The following CPNE4 variants were observed in gnomAD, a reference collection of about 807,000 sequenced individuals.
The protein encoded by CPNE4 is copine-4.
Under a neutral mutation model 67.9 loss-of-function variants are expected in CPNE4, and 25 were observed. The ratio of observed to expected loss-of-function variants is 0.37; its 90% CI spans 0.27 to 0.51. The LOEUF is 0.51. Among genes scored for constraint, CPNE4 ranks in the 20% least tolerant of loss-of-function variants. The probability of loss-of-function intolerance (pLI) is 0.93; values close to 1 mark genes in which losing one functional copy is unlikely to be tolerated. For missense variants in CPNE4, 464 were observed against 690.8 expected (o/e 0.67, Z 3.68); for synonymous variants, 242 against 244.9 (o/e 0.99, Z 0.11).
At chr3:131,621,653 G>A (rs1034739696) in intron 7 of CPNE4, among the ~76,000 whole-genome samples, 2 of 151,998 alleles carry the variant, frequency 1.3e-5, no homozygotes, top group Non-Finnish European at 2.9e-5. Flanking sequence ...CATGAAACTT[G>A]TAGTCCATAA....
intron 7 of CPNE4, among the ~76,000 whole-genome samples, chr3:131,630,081 G>GA (rs1321568686): frequency 3.9e-5 from 6 of 152,164 alleles, no homozygotes; most frequent in African/African-American, 4.8e-5. Context: ...AAAAATGCCA[G>GA]AAAAAAGCAG....
At chr3:131,873,363 G>A (rs1030636559) in intron 2 of CPNE4, among the ~76,000 whole-genome samples, 7 of 152,170 alleles carry the variant, frequency 4.6e-5, no homozygotes, top group African/African-American at 1.4e-4. Context: ...TGGTGGGGAT[G>A]GAAATTATTA....
At chr3:131,713,771 T>C (rs1399149230) in intron 3 of CPNE4, among the ~76,000 whole-genome samples, 1 of 152,174 alleles carries the variant, frequency 6.6e-6, no homozygotes, top group Non-Finnish European at 1.5e-5. Flanking sequence ...TTATGATTCC[T>C]TGCCTGTTTA....
intron 9 of CPNE4, among the ~76,000 whole-genome samples, chr3:131,580,479 TAC>T (rs1263306221): frequency 2.4e-4 from 36 of 150,480 alleles, no homozygotes; most frequent in Non-Finnish European, 1.9e-4. Context: ...TATGCCTGTA[TAC>T]ACACACACAC....
intron 1 of CPNE4, among the ~76,000 whole-genome samples, chr3:131,943,844 T>C (rs540047061): frequency 6.6e-6 from 1 of 152,306 alleles, no homozygotes; most frequent in South Asian, 2.1e-4. Context: ...TGCATTACGC[T>C]GTAGCAATTC....
intron 5 of CPNE4, among the ~76,000 whole-genome samples, chr3:131,691,502 T>C (rs1583028849): frequency 6.6e-6 from 1 of 151,990 alleles, no homozygotes; most frequent in African/African-American, 2.4e-5. Flanking sequence ...TGGGTACACA[T>C]GGACATAAAG....
chr3:131,656,477 T>C (rs993482505), intron 7 of CPNE4, among the ~76,000 whole-genome samples: 32 of 152,190 alleles, frequency 2.1e-4, no homozygotes, highest in African/African-American at 7.2e-4. Context: ...TAGCAAAAAA[T>C]CTGGTACAAT....
At chr3:131,833,659 A>T (rs1274646791) in intron 2 of CPNE4, among the ~76,000 whole-genome samples, 4 of 152,238 alleles carry the variant, frequency 2.6e-5, no homozygotes, top group Admixed American at 6.5e-5. Flanking sequence ...TGACTGTGCC[A>T]CTGCACTCAA....
chr3:131,998,294 G>T (rs888863627), intron 1 of CPNE4, among the ~76,000 whole-genome samples: 2 of 152,098 alleles, frequency 1.3e-5, no homozygotes, highest in African/African-American at 4.8e-5. Flanking sequence ...GATCCCACGT[G>T]TGTACTAACT....
intron 2 of CPNE4, among the ~76,000 whole-genome samples, chr3:131,754,596 T>C (rs143081770): frequency 2.8e-4 from 43 of 152,304 alleles, no homozygotes; most frequent in African/African-American, 9.6e-4. Context: ...TCTTTGTATG[T>C]ATGTGGATAA....
intron 7 of CPNE4, among the ~76,000 whole-genome samples, chr3:131,617,202 A>G (rs1940201391): frequency 6.6e-6 from 1 of 152,194 alleles, no homozygotes; most frequent in Non-Finnish European, 1.5e-5. Context: ...AATTTTAAGG[A>G]TCAGAAAACT....
At chr3:131,862,288 T>C (rs62280911) in intron 2 of CPNE4, among the ~76,000 whole-genome samples, 30,721 of 152,098 alleles carry the variant, frequency 0.2, 3,854 homozygotes, top group Non-Finnish European at 0.27. Flanking sequence ...AAATTCTCAG[T>C]CATCTTGACT....
chr3:131,773,872 T>A (rs1028631150), intron 2 of CPNE4, among the ~76,000 whole-genome samples: 16 of 152,152 alleles, frequency 1.1e-4, no homozygotes, highest in African/African-American at 3.6e-4. Context: ...TTAAGAAAAC[T>A]CTTTACAAAT....
At chr3:131,789,764 T>C (rs962064968) in intron 2 of CPNE4, among the ~76,000 whole-genome samples, 3 of 152,080 alleles carry the variant, frequency 2.0e-5, no homozygotes, top group African/African-American at 4.8e-5. Context: ...ATAACCTCTG[T>C]TTTTAAGAAA....
intron 7 of CPNE4, among the ~76,000 whole-genome samples, chr3:131,600,396 T>G (rs1005094008): frequency 1.3e-5 from 2 of 152,192 alleles, no homozygotes; most frequent in Non-Finnish European, 2.9e-5. Flanking sequence ...TCCAAAGACC[T>G]GTTTGAAACT....
intron 10 of CPNE4, among the ~76,000 whole-genome samples, chr3:131,573,154 T>C (rs1937421533): frequency 6.6e-6 from 1 of 152,084 alleles, no homozygotes; most frequent in East Asian, 1.9e-4. Context: ...GTCCCCAACC[T>C]GAAACCCTAC....
intron 1 of CPNE4, among the ~76,000 whole-genome samples, chr3:131,958,426 ACT>A (rs1171257034): frequency 9.5e-6 from 1 of 105,010 alleles, no homozygotes; most frequent in Non-Finnish European, 2.2e-5. Flanking sequence ...TGATTTGGAA[ACT>A]GTGACTATGG....
chr3:131,826,846 A>G (rs2085179331), intron 2 of CPNE4, among the ~76,000 whole-genome samples: 1 of 152,016 alleles, frequency 6.6e-6, no homozygotes, highest in East Asian at 1.9e-4. Flanking sequence ...AACCTGGGCA[A>G]TATAGCAAGA....
In CPNE4 at chr3:131,625,397, A is replaced by G. The variant is rs116438152; in HGVS notation, c.682-37815T>C. ...AAGCACCATTATTTCAGGTCCTACT[A>G]TAAAGTTAAAAGCATCCAAAATTAG... is the stretch of plus-strand genomic sequence containing the variant. On this transcript the variant is annotated intron_variant, in intron 7 of 15. Transcript: ENST00000429747. Among the ~76,000 whole-genome samples, 249 of 152,332 alleles carry G rather than the reference A, an allele frequency of 1.6e-3. 2 individuals are homozygous for G. Among genetic ancestry groups the G allele is most frequent in the African/African-American group, 4.9e-3 (203 of 41,578 alleles).
Sources: gnomAD v4.1 joint callset for allele counts (sites outside exome capture counted in the v4.1 genomes callset) on GRCh38, gnomAD v4.1.1 for gene constraint, MANE v1.5 for transcripts, NCBI Gene and HGNC (gene_info 2026-07-23, HGNC 2026-07-21) for gene names.